The following PCDHGC3 variants were observed in gnomAD, a reference collection of about 807,000 sequenced individuals.
PCDHGC3 encodes the protein protocadherin gamma-C3.
PCDHGC3 carries 26 observed loss-of-function variants against 59.2 expected under a neutral mutation model. That is an observed-to-expected ratio of 0.44 (90% CI 0.32 to 0.61). The LOEUF is 0.61. Among genes scored for constraint, PCDHGC3 ranks in the 20% least tolerant of loss-of-function variants. The pLI is 0.05. For missense variants in PCDHGC3, 1,080 were observed against 1,221.8 expected, an observed-to-expected ratio of 0.88 and a Z score of 1.73; for synonymous variants, 487 against 519.7, an observed-to-expected ratio of 0.94 and a Z score of 0.86.
chr5:141,503,556 G>A (rs1021346255), intron 2 of PCDHGC3, among the ~76,000 whole-genome samples: 1 of 145,962 alleles, frequency 6.9e-6, no homozygotes, highest in East Asian at 2.0e-4. Context: ...CCGAGATCGC[G>A]CCACTGTACT....
At chr5:141,480,285 T>C (rs1369369395) in intron 1 of PCDHGC3, among the ~76,000 whole-genome samples, 1 of 151,924 alleles carries the variant, frequency 6.6e-6, no homozygotes, top group East Asian at 1.9e-4. Flanking sequence ...TGTGTTGGCA[T>C]GCACCTGTGG....
Position 141,483,626 on chromosome 5 carries a change from G to A in PCDHGC3, c.2430+5080G>A, listed in dbSNP as rs112905417. On this transcript the variant is annotated intron_variant, in intron 1 of 3. Coordinates refer to ENST00000308177, the MANE Select transcript of PCDHGC3 (RefSeq NM_002588.4). ...TTACACCTCCATCATTCCCATGGGA[G>A]AAGGTATAGAGGGGTGTGTGTTTGT... Among the ~76,000 whole-genome samples the A allele has an allele frequency of 6.0e-4, 90 of 150,886 alleles. 1 individual carries two copies. The highest frequency in any genetic ancestry group is 1.7e-3 in the African/African-American group (69 of 40,378).
chr5:141,506,304 C>A (rs569926873), intron 3 of PCDHGC3, among the ~76,000 whole-genome samples: 3 of 152,078 alleles, frequency 2.0e-5, no homozygotes, highest in Non-Finnish European at 4.4e-5. Context: ...CAAAAATTAG[C>A]TGGGCATGGT....
intron 1 of PCDHGC3, among the ~76,000 whole-genome samples, chr5:141,482,782 G>T (rs775083331): frequency 1.6e-4 from 25 of 152,154 alleles, no homozygotes; most frequent in Non-Finnish European, 3.2e-4. Context: ...ACCTTAAACT[G>T]TGTGTGTGGC....
At chr5:141,506,668 C>A (rs2099855518) in intron 3 of PCDHGC3, among the ~76,000 whole-genome samples, 1 of 152,100 alleles carries the variant, frequency 6.6e-6, no homozygotes, top group Admixed American at 6.6e-5. Context: ...AGTAAGGGCA[C>A]AATATATTAT....
chr5:141,510,398 G>A (rs2099880972), intron 3 of PCDHGC3, among the ~76,000 whole-genome samples: 1 of 152,064 alleles, frequency 6.6e-6, no homozygotes, highest in African/African-American at 2.4e-5. Flanking sequence ...CTTGGCAAAG[G>A]CTAGGGGCAT....
Position 141,490,693 on chromosome 5 carries a change from G to C in PCDHGC3, c.2431-4114G>C. 2 of 1,614,170 alleles carry C rather than the reference G, an allele frequency of 1.2e-6. No homozygotes were observed. Among genetic ancestry groups the C allele is most frequent in the Non-Finnish European group, 1.7e-6 (2 of 1,180,018 alleles). ...GGCTGCCTCAGATCCAGACACTGGG[G>C]ATAATGCCCGCCTCACCTACTCCAT... is the stretch of plus-strand genomic sequence containing the variant. On this transcript the variant is annotated intron_variant, in intron 1 of 3. Coordinates refer to ENST00000308177, the MANE Select transcript of PCDHGC3 (RefSeq NM_002588.4). This position sits in a 1 kb window ranked among gnomAD's most constrained non-coding sequence, Gnocchi z 5.4.
chr5:141,500,176 A>ATTTT (rs1468241826), intron 2 of PCDHGC3, among the ~76,000 whole-genome samples: 91 of 145,916 alleles, frequency 6.2e-4, no homozygotes, highest in African/African-American at 2.3e-3. Context: ...CATGAGCTTC[A>ATTTT]TTTTTATTTT....
intron 3 of PCDHGC3, 149 bp downstream of exon 3, chr5:141,505,630 A>T: frequency 6.8e-7 from 1 of 1,480,262 alleles, no homozygotes; most frequent in East Asian, 2.4e-5. Flanking sequence ...AATTCCAAAC[A>T]TAAAGCCTGG....
intron 3 of PCDHGC3, 89 bp from the exon 4 acceptor site, chr5:141,510,858 T>C (rs992991460): frequency 5.8e-5 from 93 of 1,606,182 alleles, no homozygotes; most frequent in South Asian, 1.0e-4. Flanking sequence ...GGGTGCTGTA[T>C]AGGCATTCAT....
chr5:141,487,684 C>G lies in PCDHGC3; in HGVS notation c.2431-7123C>G. On this transcript the variant is annotated intron_variant, in intron 1 of 3. Coordinates refer to ENST00000308177, the MANE Select transcript of PCDHGC3 (RefSeq NM_002588.4). The surrounding 1 kb of genome is among the most constrained non-coding windows in gnomAD (Gnocchi z 5.0). ...ATCCAGGCATATGGCTAGGCCATGT[C>G]CTAGAGAGTACTGGCCTCTCAGTAA... is the stretch of plus-strand genomic sequence containing the variant. The G allele has an allele frequency of 6.2e-7, 1 of 1,607,562 alleles. No individual in the cohort carries two copies. Among genetic ancestry groups the G allele is most frequent in the East Asian group, 2.2e-5 (1 of 44,768 alleles).
chr5:141,503,924 G>C (rs1282755998), intron 2 of PCDHGC3, among the ~76,000 whole-genome samples: 1 of 152,146 alleles, frequency 6.6e-6, no homozygotes, highest in Non-Finnish European at 1.5e-5. Flanking sequence ...CACACACACA[G>C]ACATTTTCAT....
intron 1 of PCDHGC3, among the ~76,000 whole-genome samples, chr5:141,481,426 A>T (rs1431602618): frequency 6.6e-6 from 1 of 152,238 alleles, no homozygotes; most frequent in Non-Finnish European, 1.5e-5. Context: ...TGTGATGATG[A>T]TTGTATCAGT....
Position 141,512,910 on chromosome 5 carries a change from T to C in PCDHGC3, c.*1737T>C, listed in dbSNP as rs2099884499. On this transcript the variant is annotated 3_prime_UTR_variant, in exon 4 of 4. Transcript: ENST00000308177. Reference sequence around the variant, plus strand: ...CTCTTCCTGTGTCTCACGCAAGTTTTATACTCTAATATTTATATGGCTTTT... The same window carrying C: ...CTCTTCCTGTGTCTCACGCAAGTTTCATACTCTAATATTTATATGGCTTTT... 1 of 152,274 alleles carries C rather than the reference T, an allele frequency of 6.6e-6. No homozygotes were observed. The highest frequency in any genetic ancestry group is 2.1e-4 in the South Asian group (1 of 4,836). 9.4% of individuals were successfully genotyped at this position (152,274 alleles called of 1,614,324 possible). A position where few individuals can be genotyped will look rare whatever the true frequency, so the allele number is the denominator to read the frequency against.
chr5:141,476,018 A>G lies in PCDHGC3; in HGVS notation c.-99A>G. 7.3e-7 allele frequency: 1 copy of G among 1,371,412 alleles called. No homozygotes were observed. Among genetic ancestry groups the G allele is most frequent in the African/African-American group, 1.4e-5 (1 of 69,226 alleles). The allele number at this position is 1,371,412 out of a possible 1,614,324, so 85.0% of individuals were successfully genotyped here. A position where few individuals can be genotyped will look rare whatever the true frequency, so the allele number is the denominator to read the frequency against. The stretch of plus-strand genomic sequence containing the variant: ...AACGGCATCCAGAAAGCCATGTCGG[A>G]CTCGGCGCCCAGCGCCCAAGCGCTA... On this transcript the variant is annotated 5_prime_UTR_variant, in exon 1 of 4. Coordinates refer to ENST00000308177, the MANE Select transcript of PCDHGC3 (RefSeq NM_002588.4). This position sits in a 1 kb window ranked among gnomAD's most constrained non-coding sequence, Gnocchi z 7.6.
At chr5:141,481,587 G>A (rs1276529821) in intron 1 of PCDHGC3, among the ~76,000 whole-genome samples, 1 of 152,198 alleles carries the variant, frequency 6.6e-6, no homozygotes, top group African/African-American at 2.4e-5. Context: ...GGAGGCTGAG[G>A]CCAGCGGATC....
chr5:141,477,482 C>G lies in PCDHGC3; in HGVS notation c.1366C>G (p.Gln456Glu), dbSNP rs1168724444. The change falls in exon 1 of 4, where the codon CAA (glutamine) becomes GAA (glutamate). Residue 456 changes from glutamine to glutamate, a missense_variant. By Grantham distance (29) the Gln-to-Glu change is conservative. Transcript: ENST00000308177. This position sits in a 1 kb window ranked among gnomAD's most constrained non-coding sequence, Gnocchi z 4.9. The part of the protein sequence containing the change: ...QVSDINDNPP[Q>E]SSQSSYDVYI... ...GTCCGACATCAATGACAACCCTCCA[C>G]AATCTTCTCAATCTTCCTACGACGT... 1 of 1,614,118 alleles carries G rather than the reference C, an allele frequency of 6.2e-7. No individual in the cohort carries two copies. The highest frequency in any genetic ancestry group is 1.1e-5 in the South Asian group (1 of 91,074).
rs116716465 is a variant in PCDHGC3, at chr5:141,484,286, C to T, written c.2430+5740C>T. ...GATTCTTTACTGTTTTGAAACATCTCCCTCTCCTGGCTTCCTCCACCCCGC... is the reference window on the plus strand; with the variant it reads ...GATTCTTTACTGTTTTGAAACATCTTCCTCTCCTGGCTTCCTCCACCCCGC... On this transcript the variant is annotated intron_variant, in intron 1 of 3. Coordinates refer to ENST00000308177, the MANE Select transcript of PCDHGC3 (RefSeq NM_002588.4). 8.3e-3 allele frequency among the ~76,000 whole-genome samples: 1,266 copies of T among 152,294 alleles called. 10 individuals carry two copies. The highest frequency in any genetic ancestry group is 0.014 in the Non-Finnish European group (936 of 68,022).
chr5:141,504,561 T>G (rs1023434942), intron 2 of PCDHGC3, among the ~76,000 whole-genome samples: 1 of 150,052 alleles, frequency 6.7e-6, no homozygotes, highest in Non-Finnish European at 1.5e-5. Context: ...GGGACTGGCA[T>G]TCTAGGGAAC....
Sources: allele counts gnomAD v4.1 joint callset (sites outside exome capture counted in the v4.1 genomes callset), GRCh38; gene constraint gnomAD v4.1.1; non-coding constraint Gnocchi (gnomAD v3.1); transcripts MANE v1.5; gene names NCBI Gene and HGNC (gene_info 2026-07-23, HGNC 2026-07-21).